Variants in EPB41L4A observed in about 807,000 individuals in gnomAD.
The protein encoded by EPB41L4A is erythrocyte membrane protein band 4.1 like 4A, also known as band 4.1-like protein 4A.
In EPB41L4A, 100 loss-of-function variants were observed where a neutral mutation model predicts 108.6. That is an observed-to-expected ratio of 0.92 (90% CI 0.78 to 1.09). The LOEUF (loss-of-function observed/expected upper bound fraction) is 1.09, where lower values mean the gene tolerates loss of function less well. EPB41L4A is among the 50% of genes least tolerant of loss of function. The probability of loss-of-function intolerance (pLI) is 0.00; values close to 1 mark genes in which losing one functional copy is unlikely to be tolerated. For synonymous variants in EPB41L4A, 319 were observed against 289.0 expected, an observed-to-expected ratio of 1.10 and a Z score of -1.05; for missense variants, 1,030 against 842.7, an observed-to-expected ratio of 1.22 and a Z score of -2.75.
chr5:112,308,941 T>C (rs1209849098), intron 1 of EPB41L4A, among the ~76,000 whole-genome samples: 1 of 152,200 alleles, frequency 6.6e-6, no homozygotes, highest in Non-Finnish European at 1.5e-5. Context: ...TTTCCTGACA[T>C]TAATAAAAGC....
chr5:112,283,089 T>C (rs1220149361), intron 2 of EPB41L4A, among the ~76,000 whole-genome samples: 1 of 151,984 alleles, frequency 6.6e-6, no homozygotes, highest in African/African-American at 2.4e-5. Context: ...TCCTTGAGAG[T>C]GATTAAATTT....
intron 1 of EPB41L4A, among the ~76,000 whole-genome samples, chr5:112,351,445 T>C (rs1758037511): frequency 6.6e-6 from 1 of 152,104 alleles, no homozygotes; most frequent in South Asian, 2.1e-4. Flanking sequence ...AACAGACTAA[T>C]AACAAGTAAT....
At chr5:112,293,411 C>T (rs17134324) in intron 2 of EPB41L4A, among the ~76,000 whole-genome samples, 6,242 of 143,516 alleles carry the variant, frequency 0.043, 489 homozygotes, top group East Asian at 0.33. Flanking sequence ...GCATTGGGTG[C>T]CATTAACAAA....
At chr5:112,256,597 A>C (rs1212895591) in intron 9 of EPB41L4A, among the ~76,000 whole-genome samples, 1 of 152,180 alleles carries the variant, frequency 6.6e-6, no homozygotes, top group African/African-American at 2.4e-5. Flanking sequence ...ATAGCAAGAA[A>C]AAAAGTAAAA....
chr5:112,249,205 A>G (rs1256220698), intron 9 of EPB41L4A: 1 of 152,214 alleles, frequency 6.6e-6, no homozygotes, highest in African/African-American at 2.4e-5. Flanking sequence ...TGTGACAATT[A>G]CAAGTCTAAA....
chr5:112,211,947 C>A (rs571127569), intron 12 of EPB41L4A, among the ~76,000 whole-genome samples: 3 of 152,090 alleles, frequency 2.0e-5, no homozygotes, highest in Non-Finnish European at 2.9e-5. Flanking sequence ...GCTGGAGCCA[C>A]TACCAATAAC....
intron 1 of EPB41L4A, among the ~76,000 whole-genome samples, chr5:112,350,312 T>G (rs1222883214): frequency 6.6e-6 from 1 of 152,164 alleles, no homozygotes; most frequent in Non-Finnish European, 1.5e-5. Context: ...AATCCTGACT[T>G]TAATTAGTTG....
Position 112,224,015 on chromosome 5 carries a change from G to A in EPB41L4A, c.1087+10619C>T, listed in dbSNP as rs548823724. 2.3e-4 allele frequency among the ~76,000 whole-genome samples: 35 copies of A among 152,242 alleles called. 1 individual carries two copies. The highest frequency in any genetic ancestry group is 1.5e-3 in the Admixed American group (23 of 15,298). On this transcript the variant is annotated intron_variant, in intron 12 of 22. Coordinates refer to ENST00000261486, the MANE Select transcript of EPB41L4A (RefSeq NM_022140.5). The stretch of plus-strand genomic sequence containing the variant: ...CACCCATACTGGAGTGCAGTGGCGC[G>A]ATCTCGGCTCATTGCAGCCTCCGCC...
intron 1 of EPB41L4A, among the ~76,000 whole-genome samples, chr5:112,416,718 C>T (rs1212959266): frequency 6.6e-6 from 1 of 152,154 alleles, no homozygotes; most frequent in Non-Finnish European, 1.5e-5. Context: ...ATGCAACACA[C>T]ATCAATTGTA....
intron 12 of EPB41L4A, among the ~76,000 whole-genome samples, chr5:112,152,174 C>T (rs1759493299): frequency 6.9e-6 from 1 of 143,994 alleles, no homozygotes; most frequent in Admixed American, 6.9e-5. Flanking sequence ...CAATACAAGA[C>T]CAAAATATAA....
At chr5:112,417,092 C>T (rs1762762844) in intron 1 of EPB41L4A, among the ~76,000 whole-genome samples, 1 of 152,178 alleles carries the variant, frequency 6.6e-6, no homozygotes, top group Admixed American at 6.5e-5. Context: ...AGTTATATGG[C>T]CCATATCCAA....
intron 12 of EPB41L4A, among the ~76,000 whole-genome samples, chr5:112,210,939 C>T (rs1433304079): frequency 7.0e-5 from 10 of 143,782 alleles, no homozygotes; most frequent in Admixed American, 3.5e-4. Flanking sequence ...ATAACGGTCA[C>T]TAACCACCGA....
chr5:112,180,683 G>C lies in EPB41L4A; in HGVS notation c.1622+3333C>G, dbSNP rs143674725. Among the ~76,000 whole-genome samples the C allele has an allele frequency of 1.4e-3, 178 of 122,968 alleles. 1 individual carries two copies. The highest frequency in any genetic ancestry group is 5.4e-4 in the Non-Finnish European group (31 of 57,056). The allele number at this position is 122,968 out of a possible 152,430, so 80.7% of individuals were successfully genotyped here. A position where few individuals can be genotyped will look rare whatever the true frequency, so the allele number is the denominator to read the frequency against. On this transcript the variant is annotated intron_variant, in intron 18 of 22. Coordinates refer to ENST00000261486, the MANE Select transcript of EPB41L4A (RefSeq NM_022140.5). ...AAAAAAAAAAAAAAAGCCTTAACTA[G>C]AAATGAAAAAAACTGATACACTGGT...
chr5:112,203,342 C>T (rs1377632360), intron 15 of EPB41L4A, among the ~76,000 whole-genome samples: 8 of 151,860 alleles, frequency 5.3e-5, no homozygotes, highest in Non-Finnish European at 7.4e-5. Flanking sequence ...GGCATCAGAG[C>T]GAGACTCCAT....
intron 2 of EPB41L4A, among the ~76,000 whole-genome samples, chr5:112,303,086 T>A (rs906734442): frequency 6.6e-6 from 1 of 152,232 alleles, no homozygotes; most frequent in African/African-American, 2.4e-5. Flanking sequence ...AGTTTCATTC[T>A]GTAATAATCC....
intron 18 of EPB41L4A, among the ~76,000 whole-genome samples, chr5:112,176,147 T>G (rs1420019195): frequency 6.6e-6 from 1 of 152,162 alleles, no homozygotes; most frequent in East Asian, 1.9e-4. Flanking sequence ...AGGCACAACC[T>G]CACTTAATGC....
At chr5:112,300,499 T>C (rs1441647422) in intron 2 of EPB41L4A, among the ~76,000 whole-genome samples, 1 of 152,158 alleles carries the variant, frequency 6.6e-6, no homozygotes, top group African/African-American at 2.4e-5. Flanking sequence ...CCTTGTAGGG[T>C]TTCTGCTGAG....
chr5:112,151,329 C>T (rs1032162457), intron 12 of EPB41L4A, among the ~76,000 whole-genome samples: 4 of 149,544 alleles, frequency 2.7e-5, no homozygotes, highest in African/African-American at 9.8e-5. Context: ...TAGCTAGCAT[C>T]AGACATTTCT....
intron 12 of EPB41L4A, among the ~76,000 whole-genome samples, chr5:112,148,093 A>ATAAT (rs1194133233): frequency 1.4e-5 from 2 of 147,896 alleles, no homozygotes; most frequent in African/African-American, 4.9e-5. Context: ...TAGTATTACT[A>ATAAT]TAATATAATA....
Sources: allele counts gnomAD v4.1 joint callset (sites outside exome capture counted in the v4.1 genomes callset), GRCh38; gene constraint gnomAD v4.1.1; transcripts MANE v1.5; gene names NCBI Gene and HGNC (gene_info 2026-07-23, HGNC 2026-07-21).